Variants in TRIO observed in about 807,000 individuals in gnomAD.
The protein encoded by TRIO is triple functional domain protein.
A neutral mutation model predicts 351.9 loss-of-function variants in TRIO; 58 were observed. That is an observed-to-expected ratio of 0.16 (90% CI 0.13 to 0.21). The LOEUF (loss-of-function observed/expected upper bound fraction) is 0.21. Among genes scored for constraint, TRIO ranks in the 10% least tolerant of loss-of-function variants. TRIO has a pLI of 1.00. For missense variants in TRIO, 3,201 were observed against 4,027.8 expected (o/e 0.79, Z 5.56); for synonymous variants, 1,758 against 1,595.7 (o/e 1.10, Z -2.42).
chr5:14,400,845 G>GCGACGTTCT (rs1319547689), intron 30 of TRIO, 118 bp from the exon 31 acceptor site: 2 of 797,686 alleles, frequency 2.5e-6, no homozygotes, highest in Non-Finnish European at 4.1e-6. Flanking sequence ...GAGATCACTA[G>GCGACGTTCT]TGACGTTCTT....
chr5:14,165,128 T>C (rs868091849), intron 1 of TRIO, among the ~76,000 whole-genome samples: 1 of 152,240 alleles, frequency 6.6e-6, no homozygotes, highest in Admixed American at 6.5e-5. Flanking sequence ...TTTTATTTTA[T>C]TTCAACTTTT....
chr5:14,364,810 G>C lies in TRIO; in HGVS notation c.2748G>C (p.Val916=). 1 of 1,604,758 alleles carries C rather than the reference G, an allele frequency of 6.2e-7. No homozygotes were observed. ...CVQLRHLQAE[V]KQVLGWIRNG... ...AGCTGCGCCACCTGCAGGCAGAAGT[G>C]AAACAGGTGAGCAAACGACTGGATG... Residue 916 remains valine (V), a synonymous_variant, in exon 15 of 57, where the codon GTG becomes GTC. Coordinates refer to ENST00000344204, the MANE Select transcript of TRIO (RefSeq NM_007118.4).
At chr5:14,144,367 C>T (rs1455923934) in intron 1 of TRIO, among the ~76,000 whole-genome samples, 1 of 152,210 alleles carries the variant, frequency 6.6e-6, no homozygotes, top group Non-Finnish European at 1.5e-5. Flanking sequence ...TGTACCTGGA[C>T]CCTCCTCGAC....
intron 48 of TRIO, 30 bp downstream of exon 48, chr5:14,488,290 C>T (rs1756177787): frequency 9.2e-6 from 14 of 1,524,406 alleles, no homozygotes; most frequent in Non-Finnish European, 1.1e-5. Flanking sequence ...CGCGCCCTCC[C>T]GCCCCCCTGC....
rs188363274 is a variant in TRIO, at chr5:14,330,289, G to A, written c.1732-489G>A. On this transcript the variant is annotated intron_variant, in intron 9 of 56. Coordinates refer to ENST00000344204, the MANE Select transcript of TRIO (RefSeq NM_007118.4). Reference sequence around the variant, plus strand: ...AAGCTCAAGACTGAGGCATGTAAGTGTTAGGTTTTACTTCATGTGTTTGAG... The same window carrying A: ...AAGCTCAAGACTGAGGCATGTAAGTATTAGGTTTTACTTCATGTGTTTGAG... Among the ~76,000 whole-genome samples, 10 of 152,262 alleles carry A rather than the reference G, an allele frequency of 6.6e-5. No homozygotes were observed. The East Asian group carries it at 1.2e-3, about 18-fold the overall frequency.
At chr5:14,183,881 T>A (rs1789943625) in intron 1 of TRIO, 2 of 688,202 alleles carry the variant, frequency 2.9e-6, no homozygotes, top group Non-Finnish European at 5.3e-6. Context: ...AGATAGTGAC[T>A]GTTTTACTTC....
intron 39 of TRIO, 92 bp from the exon 40 acceptor site, chr5:14,473,902 C>A: frequency 8.0e-7 from 1 of 1,247,100 alleles, no homozygotes; most frequent in Non-Finnish European, 1.1e-6. Context: ...GTGCATGTGT[C>A]CATTTTGCCC....
Position 14,482,861 on chromosome 5 carries a change from T to C in TRIO, c.6657+88T>C. ...GTTTCCTTTTAATGATGACATACCC[T>C]GATGCTTCGTTTAAGTATTTGAGAA... On this transcript the variant is annotated intron_variant, in intron 46 of 56. Transcript: ENST00000344204. 1.4e-5 allele frequency: 17 copies of C among 1,227,396 alleles called. No individual in the cohort carries two copies. The South Asian group carries it at 3.4e-4, about 24-fold the overall frequency. The allele number at this position is 1,227,396 out of a possible 1,614,324, so 76.0% of individuals were successfully genotyped here. A position where few individuals can be genotyped will look rare whatever the true frequency, so the allele number is the denominator to read the frequency against.
chr5:14,493,592 C>T (rs906933832), intron 49 of TRIO, among the ~76,000 whole-genome samples: 1 of 152,110 alleles, frequency 6.6e-6, no homozygotes, highest in Admixed American at 6.5e-5. Context: ...ATGTGTCTCC[C>T]TCTCCTCAGG....
At chr5:14,190,009 A>G (rs899773023) in intron 1 of TRIO, among the ~76,000 whole-genome samples, 2 of 152,126 alleles carry the variant, frequency 1.3e-5, no homozygotes, top group African/African-American at 4.8e-5. Context: ...GGTGTGAGCT[A>G]CCATGCCCGG....
chr5:14,463,478 A>C (rs1161076216), intron 36 of TRIO, among the ~76,000 whole-genome samples: 1 of 152,212 alleles, frequency 6.6e-6, no homozygotes, highest in Non-Finnish European at 1.5e-5. Flanking sequence ...GGGTCTACGC[A>C]GGAGCTTCAA....
intron 1 of TRIO, among the ~76,000 whole-genome samples, chr5:14,178,808 A>AG (rs1027101886): frequency 6.6e-6 from 1 of 152,206 alleles, no homozygotes; most frequent in African/African-American, 2.4e-5. Flanking sequence ...GAGTGGTCAC[A>AG]GGGGTGCTGC....
intron 1 of TRIO, among the ~76,000 whole-genome samples, chr5:14,242,899 C>G (rs1395341436): frequency 6.6e-6 from 1 of 152,210 alleles, no homozygotes; most frequent in Non-Finnish European, 1.5e-5. Context: ...GAAACACAGG[C>G]CCTGCCTTCT....
At chr5:14,238,124 T>G (rs1793888340) in intron 1 of TRIO, among the ~76,000 whole-genome samples, 1 of 152,214 alleles carries the variant, frequency 6.6e-6, no homozygotes, top group Non-Finnish European at 1.5e-5. Context: ...AAGTAAAGTT[T>G]ATGTCAGTTC....
rs571498271 is a variant in TRIO at position 14,280,298 on chromosome 5, G to T, written c.233-24G>T. On this transcript the variant is annotated intron_variant, in intron 2 of 56. Coordinates refer to ENST00000344204, the MANE Select transcript of TRIO (RefSeq NM_007118.4). ...TTTCTGTCTTATCTTGTGTCTAAGT[G>T]TATTCCTAATGTTTGTTTTTTAGGT... is the stretch of plus-strand genomic sequence containing the variant. 2.5e-6 allele frequency: 4 copies of T among 1,595,342 alleles called. No homozygotes were observed. In the East Asian group the frequency reaches 8.9e-5, roughly 36 times the overall value.
chr5:14,376,612 A>G (rs781175259), intron 19 of TRIO, among the ~76,000 whole-genome samples: 2 of 152,222 alleles, frequency 1.3e-5, no homozygotes, highest in Non-Finnish European at 2.9e-5. Flanking sequence ...AATACCCAGT[A>G]TAGCATTTTT....
chr5:14,287,596 C>T (rs1016636177), intron 4 of TRIO, among the ~76,000 whole-genome samples: 1 of 152,112 alleles, frequency 6.6e-6, no homozygotes, highest in Non-Finnish European at 1.5e-5. Flanking sequence ...GGAAGATTGC[C>T]GTCTTTCAGT....
intron 36 of TRIO, among the ~76,000 whole-genome samples, chr5:14,464,927 G>A (rs1007905572): frequency 6.6e-6 from 1 of 152,054 alleles, no homozygotes; most frequent in Non-Finnish European, 1.5e-5. Flanking sequence ...GCCATAAGTG[G>A]CATCTGATAG....
intron 9 of TRIO, among the ~76,000 whole-genome samples, chr5:14,328,376 A>G (rs1397535651): frequency 6.6e-6 from 1 of 152,240 alleles, no homozygotes; most frequent in Non-Finnish European, 1.5e-5. Flanking sequence ...CGTTAAAGTA[A>G]TGTGCACTCA....
Sources: gnomAD v4.1 joint callset for allele counts (sites outside exome capture counted in the v4.1 genomes callset) on GRCh38, gnomAD v4.1.1 for gene constraint, MANE v1.5 for transcripts, NCBI Gene and HGNC (gene_info 2026-07-23, HGNC 2026-07-21) for gene names.